The following PFAS variants were observed in gnomAD, a reference collection of about 807,000 sequenced individuals.
The protein encoded by PFAS is FGAM synthase.
Under a neutral mutation model 140.6 loss-of-function variants are expected in PFAS, and 97 were observed. The ratio of observed to expected loss-of-function variants is 0.69; its 90% CI spans 0.59 to 0.82. PFAS has a LOEUF of 0.82. PFAS is among the 40% of genes least tolerant of loss of function. The pLI is 0.00. For synonymous variants in PFAS, 679 were observed against 718.8 expected (o/e 0.94, Z 0.88); for missense variants, 1,656 against 1,780.2 (o/e 0.93, Z 1.26).
At chr17:8,253,443 A>AT (rs1989235798) in intron 1 of PFAS, among the ~76,000 whole-genome samples, 1 of 152,164 alleles carries the variant, frequency 6.6e-6, no homozygotes, top group South Asian at 2.1e-4. Flanking sequence ...GTTTCTCTAA[A>AT]TGTCCATATT....
In PFAS at chr17:8,254,150, C is replaced by T. The variant is rs1393156423; in HGVS notation, c.143-16C>T. The T allele has an allele frequency of 6.2e-7, 1 of 1,614,060 alleles. No homozygotes were observed. The highest frequency in any genetic ancestry group is 1.7e-5 in the Admixed American group (1 of 60,008). ...GGGGCAGTGTCTCAAGGTGTCCTTG[C>T]CCTGTCTCCCTGCAGCTGAGGCCCT... On this transcript the variant is annotated splice_polypyrimidine_tract_variant and intron_variant, in intron 2 of 27. Transcript: ENST00000314666.
chr17:8,269,057 C>T lies in PFAS; in HGVS notation c.3810C>T (p.Tyr1270=). ...ADDDGNPTEQ[Y]PLNPNGSPGG... Reference sequence around the variant, plus strand: ...ATGACGGGAACCCCACAGAGCAGTACCCTCTGAATCCCAATGGGTCCCCAG... The same window carrying T: ...ATGACGGGAACCCCACAGAGCAGTATCCTCTGAATCCCAATGGGTCCCCAG... The change falls in exon 28 of 28, where the codon TAC becomes TAT. Residue 1270 remains tyrosine, a synonymous_variant. Coordinates refer to ENST00000314666, the MANE Select transcript of PFAS (RefSeq NM_012393.3). 6 of 1,614,084 alleles carry T rather than the reference C, an allele frequency of 3.7e-6. No individual in the cohort carries two copies. Among genetic ancestry groups the T allele is most frequent in the Non-Finnish European group, 4.2e-6 (5 of 1,179,916 alleles).
At chr17:8,256,244 C>T in intron 6 of PFAS, 23 bp from the exon 7 acceptor site, 1 of 1,610,534 alleles carries the variant, frequency 6.2e-7, no homozygotes, top group South Asian at 1.1e-5. Context: ...CCTGCCTTCC[C>T]CTCCCTGCAT....
In PFAS at chr17:8,267,110, A is replaced by C. The variant is rs143057705; in HGVS notation, c.3050A>C (p.Gln1017Pro). ...LRALWEETSF[Q>P]LDRLQAEPRC... The stretch of plus-strand genomic sequence containing the variant: ...GCCCTCTGGGAGGAGACGAGTTTCC[A>C]GCTGGACCGGCTACAGGCAGAGCCT... The change falls in exon 24 of 28, where the codon CAG becomes CCG. Residue 1017 changes from glutamine to proline, a missense_variant. Gln to Pro is a moderately conservative substitution (Grantham distance 76). Around this residue, in one of 2 missense-constraint regions of PFAS, gnomAD observed 883 missense variants for 1,023.0 expected, o/e 0.86. Coordinates refer to ENST00000314666, the MANE Select transcript of PFAS (RefSeq NM_012393.3). This position sits in a 1 kb window ranked among gnomAD's most constrained non-coding sequence, Gnocchi z 4.9. 1.2e-6 allele frequency: 2 copies of C among 1,613,574 alleles called. No homozygotes were observed. The highest frequency in any genetic ancestry group is 2.7e-5 in the African/African-American group (2 of 74,896).
Position 8,265,725 on chromosome 17 carries a change from A to G in PFAS, c.2545+86A>G, listed in dbSNP as rs1989786624. 10 of 1,392,978 alleles carry G rather than the reference A, an allele frequency of 7.2e-6. No homozygotes were observed. The South Asian group carries it at 1.2e-4, about 16-fold the overall frequency. The allele number at this position is 1,392,978 out of a possible 1,614,324, so 86.3% of individuals were successfully genotyped here. The stretch of plus-strand genomic sequence containing the variant: ...TTTGTGAGTGCTGGGCCCCCATCTC[A>G]ACACTGGGCTGTGGTGTTTTCTGGG... On this transcript the variant is annotated intron_variant, in intron 20 of 27. Transcript: ENST00000314666.
In PFAS at chr17:8,270,181, C is replaced by T. The variant is rs1010965993; in HGVS notation, c.*917C>T. The T allele has an allele frequency of 1.3e-5, 2 of 152,156 alleles. No individual in the cohort carries two copies. Among genetic ancestry groups the T allele is most frequent in the African/African-American group, 4.8e-5 (2 of 41,434 alleles). 9.4% of individuals were successfully genotyped at this position (152,156 alleles called of 1,614,324 possible). A position where few individuals can be genotyped will look rare whatever the true frequency, so the allele number is the denominator to read the frequency against. ...GTGGGAGCCACTACAGCTGGCCCAG[C>T]AGCTCTGTTTCTGATAGAGGTGGTT... On this transcript the variant is annotated 3_prime_UTR_variant, in exon 28 of 28. Coordinates refer to ENST00000314666, the MANE Select transcript of PFAS (RefSeq NM_012393.3).
chr17:8,267,643 AG>A lies in PFAS; in HGVS notation c.3361del (p.Asp1121MetfsTer13). On this transcript the variant is annotated frameshift_variant, in exon 26 of 28. Transcript: ENST00000314666. LOFTEE classifies it high-confidence loss of function. This position sits in a 1 kb window ranked among gnomAD's most constrained non-coding sequence, Gnocchi z 4.9. ...VAFVGGFSYA[D>X]VLGSAKGWAA... ...CCTTCGTGGGCGGCTTCAGCTATGCAGATGTCCTGGGCTCTGCCAAAGGTCA... is the reference window on the plus strand; with the variant it reads ...CCTTCGTGGGCGGCTTCAGCTATGCAATGTCCTGGGCTCTGCCAAAGGTCA... 1 of 1,603,036 alleles carries A rather than the reference AG, an allele frequency of 6.2e-7. No homozygotes were observed. Among genetic ancestry groups the A allele is most frequent in the South Asian group, 1.1e-5 (1 of 90,820 alleles).
rs1989889467 is a variant in PFAS, at chr17:8,267,938, A to G, written c.3382+273A>G. ...TTATTTATATATTATTAAAATGTATATTATTTATATATTATTAAAATATAT... is the reference window on the plus strand; with the variant it reads ...TTATTTATATATTATTAAAATGTATGTTATTTATATATTATTAAAATATAT... On this transcript the variant is annotated intron_variant, in intron 26 of 27. Coordinates refer to ENST00000314666, the MANE Select transcript of PFAS (RefSeq NM_012393.3). The surrounding 1 kb of genome is among the most constrained non-coding windows in gnomAD (Gnocchi z 4.9). Among the ~76,000 whole-genome samples, 1 of 144,368 alleles carries G rather than the reference A, an allele frequency of 6.9e-6. No homozygotes were observed. The highest frequency in any genetic ancestry group is 1.5e-5 in the Non-Finnish European group (1 of 65,908). The allele number at this position is 144,368 out of a possible 152,430, so 94.7% of individuals were successfully genotyped here.
upstream of PFAS, chr17:8,247,939 G>A (rs1400128143): frequency 3.3e-6 from 5 of 1,526,072 alleles, no homozygotes; most frequent in Non-Finnish European, 4.5e-6. Flanking sequence ...AGAGGAAATA[G>A]GAAGAGAAAG....
intron 1 of PFAS, among the ~76,000 whole-genome samples, chr17:8,251,931 C>A (rs1163463215): frequency 6.6e-6 from 1 of 151,958 alleles, no homozygotes; most frequent in Non-Finnish European, 1.5e-5. Context: ...TCTTGGCCTC[C>A]TAAAGTGCTA....
chr17:8,264,604 C>T lies in PFAS; in HGVS notation c.2049+3C>T, dbSNP rs1409062026. 1 of 1,598,784 alleles carries T rather than the reference C, an allele frequency of 6.3e-7. No homozygotes were observed. Among genetic ancestry groups the T allele is most frequent in the African/African-American group, 1.3e-5 (1 of 74,400 alleles). ...GCAAGCGCTACCTCACCAATAAGGTCCTCCCTGCACCCTTCCTCTGCCCCC... is the reference window on the plus strand; with the variant it reads ...GCAAGCGCTACCTCACCAATAAGGTTCTCCCTGCACCCTTCCTCTGCCCCC... On this transcript the variant is annotated splice_donor_region_variant and intron_variant, in intron 17 of 27. Coordinates refer to ENST00000314666, the MANE Select transcript of PFAS (RefSeq NM_012393.3).
chr17:8,254,412 C>G (rs1274575098), intron 3 of PFAS, 111 bp downstream of exon 3: 2 of 1,253,356 alleles, frequency 1.6e-6, no homozygotes, highest in African/African-American at 1.5e-5. Flanking sequence ...CCTAGGAAAC[C>G]ACACATGTGC....
intron 1 of PFAS, among the ~76,000 whole-genome samples, chr17:8,251,437 A>G (rs1454755291): frequency 6.6e-6 from 1 of 151,804 alleles, no homozygotes; most frequent in African/African-American, 2.4e-5. Context: ...ACATGCCACC[A>G]TGCCCCACTA....
chr17:8,248,352 G>A (rs192585995), upstream of PFAS, among the ~76,000 whole-genome samples: 4 of 142,712 alleles, frequency 2.8e-5, no homozygotes, highest in African/African-American at 7.9e-5. Context: ...GGGATTTTCC[G>A]GCCTCAGCCT....
chr17:8,248,084 G>T (rs772417257), upstream of PFAS: 9 of 1,359,380 alleles, frequency 6.6e-6, no homozygotes, highest in South Asian at 7.5e-5. Context: ...TCGCTTGGGG[G>T]TGGGGATGGG....
intron 1 of PFAS, among the ~76,000 whole-genome samples, chr17:8,251,833 G>A (rs11868250): frequency 0.56 from 85,425 of 151,318 alleles, 26,874 homozygotes; most frequent in Non-Finnish European, 0.73. Flanking sequence ...CACCACGCCC[G>A]GCTAATTTTT....
rs1989876988 is a variant in PFAS at position 8,267,720 on chromosome 17, T to C, written c.3382+55T>C. Reference sequence around the variant, plus strand: ...TCCCCCACATTCCTGAAGAGGTGCCTTTAGCCCCATCTTCCTGGGCTGGGG... The same window carrying C: ...TCCCCCACATTCCTGAAGAGGTGCCCTTAGCCCCATCTTCCTGGGCTGGGG... On this transcript the variant is annotated intron_variant, in intron 26 of 27. Coordinates refer to ENST00000314666, the MANE Select transcript of PFAS (RefSeq NM_012393.3). This position sits in a 1 kb window ranked among gnomAD's most constrained non-coding sequence, Gnocchi z 4.9. The C allele has an allele frequency of 2.0e-6, 2 of 991,706 alleles. 1 individual carries two copies. Among genetic ancestry groups the C allele is most frequent in the African/African-American group, 3.2e-5 (2 of 62,890 alleles). 61.4% of individuals were successfully genotyped at this position (991,706 alleles called of 1,614,324 possible).
In PFAS at chr17:8,256,603, C is replaced by G; in HGVS notation, c.901C>G (p.Leu301Val). Reference protein sequence around the residue: ...RPSRFQQQQGLRHVVFTAETH... With the variant: ...RPSRFQQQQGVRHVVFTAETH... Reference sequence around the variant, plus strand: ...AAGCCGCTTCCAGCAACAGCAAGGGCTGAGACATGTTGTCTTCACAGCAGA... The same window carrying G: ...AAGCCGCTTCCAGCAACAGCAAGGGGTGAGACATGTTGTCTTCACAGCAGA... The change falls in exon 8 of 28, where the codon CTG becomes GTG. Residue 301 changes from leucine (L) to valine (V), a missense_variant. Physicochemically the swap from Leu to Val is conservative, Grantham distance 32. This residue lies in a region of PFAS where 773 missense variants were observed against 757.3 expected (regional missense o/e 1.02). Transcript: ENST00000314666. The G allele has an allele frequency of 6.2e-7, 1 of 1,614,190 alleles. No homozygotes were observed. The highest frequency in any genetic ancestry group is 8.5e-7 in the Non-Finnish European group (1 of 1,180,036).
chr17:8,255,887 C>G lies in PFAS; in HGVS notation c.657C>G (p.Ala219=). The G allele has an allele frequency of 6.2e-7, 1 of 1,613,716 alleles. No individual in the cohort carries two copies. Among genetic ancestry groups the G allele is most frequent in the Non-Finnish European group, 8.5e-7 (1 of 1,179,674 alleles). The change falls in exon 6 of 28, where the codon GCC becomes GCG. Residue 219 remains alanine, a synonymous_variant. Coordinates refer to ENST00000314666, the MANE Select transcript of PFAS (RefSeq NM_012393.3). ...ELQRNPSTVE[A]FDLAQSNSEH... ...AGCGGAACCCGAGCACTGTGGAGGC[C>G]TTTGACTTGGCGCAGTCCAATAGGT...
Sources: allele counts gnomAD v4.1 joint callset (sites outside exome capture counted in the v4.1 genomes callset), GRCh38; gene constraint gnomAD v4.1.1; regional missense constraint gnomAD v4.1.1; non-coding constraint Gnocchi (gnomAD v3.1); transcripts MANE v1.5; gene names NCBI Gene and HGNC (gene_info 2026-07-23, HGNC 2026-07-21).